GPALPP1: variants seen among roughly 807,000 people sequenced by gnomAD.
GPALPP1 encodes GPALPP motifs-containing protein 1.
A neutral mutation model predicts 38.9 loss-of-function variants in GPALPP1; 30 were observed. That is an observed-to-expected ratio of 0.77 (90% CI 0.58 to 1.05). The LOEUF (loss-of-function observed/expected upper bound fraction) is 1.05, where lower values mean the gene tolerates loss of function less well. GPALPP1 is among the 50% of genes least tolerant of loss of function. GPALPP1 has a pLI of 0.00. For synonymous variants in GPALPP1, 120 were observed against 139.2 expected (o/e 0.86, Z 0.97); for missense variants, 384 against 408.8 (o/e 0.94, Z 0.52).
downstream of GPALPP1, chr13:45,031,326 TAA>T (rs1876185129): frequency 6.6e-6 from 1 of 152,198 alleles, no homozygotes; most frequent in Admixed American, 6.5e-5. Context: ...TGCATTAATT[TAA>T]TTTTGTTATA....
At chr13:45,002,918 C>G (rs1292914515) in intron 1 of GPALPP1, among the ~76,000 whole-genome samples, 1 of 152,140 alleles carries the variant, frequency 6.6e-6, no homozygotes, top group Non-Finnish European at 1.5e-5. Flanking sequence ...AGATTTTTGC[C>G]TTACCACTGT....
At chr13:45,027,764 C>G (rs1292334805) in intron 7 of GPALPP1, 21 bp from the exon 8 acceptor site, 1 of 1,099,574 alleles carries the variant, frequency 9.1e-7, no homozygotes, top group African/African-American at 1.6e-5. Flanking sequence ...GTTTTTATTT[C>G]TGCTCTCCTG....
intron 4 of GPALPP1, among the ~76,000 whole-genome samples, chr13:45,011,821 G>A (rs1216353409): frequency 1.3e-5 from 2 of 152,110 alleles, no homozygotes; most frequent in Admixed American, 6.6e-5. Flanking sequence ...GGCTAAGTAC[G>A]AGGACTCCTT....
chr13:45,011,696 G>T (rs1874491783), intron 4 of GPALPP1, among the ~76,000 whole-genome samples: 1 of 152,094 alleles, frequency 6.6e-6, no homozygotes, highest in Admixed American at 6.5e-5. Context: ...GATGAGATTT[G>T]GGTGGGGACA....
rs1002979833 is a variant in GPALPP1, at chr13:45,028,308, T to A, written c.*305T>A. On this transcript the variant is annotated 3_prime_UTR_variant, in exon 8 of 8. Transcript: ENST00000379151. The stretch of plus-strand genomic sequence containing the variant: ...TTGATACTTGAGTAAATATGCATGC[T>A]TTATTAAAGATGAAGAAAGGCTTGC... 1 of 165,378 alleles carries A rather than the reference T, an allele frequency of 6.0e-6. No homozygotes were observed. The highest frequency in any genetic ancestry group is 1.7e-4 in the East Asian group (1 of 5,902). The allele number at this position is 165,378 out of a possible 1,614,324, so 10.2% of individuals were successfully genotyped here.
In GPALPP1 at chr13:45,015,412, G is replaced by T. The variant is rs200522188; in HGVS notation, c.541-20G>T. ...ACACGATATGTACTTTCTATGCTGT[G>T]TTTTTTTTTTCTCTTAAAGGATTCA... On this transcript the variant is annotated intron_variant, in intron 5 of 7. Coordinates refer to ENST00000379151, the MANE Select transcript of GPALPP1 (RefSeq NM_018559.5). The T allele has an allele frequency of 1.1e-4, 143 of 1,317,536 alleles. No homozygotes were observed. Among genetic ancestry groups the T allele is most frequent in the Non-Finnish European group, 1.3e-4 (131 of 977,940 alleles). 81.6% of individuals were successfully genotyped at this position (1,317,536 alleles called of 1,614,324 possible).
At chr13:45,003,301 C>A (rs1873822661) in intron 1 of GPALPP1, among the ~76,000 whole-genome samples, 1 of 152,130 alleles carries the variant, frequency 6.6e-6, no homozygotes. Context: ...CAATTCATAA[C>A]ACCTAAGAAC....
intron 1 of GPALPP1, among the ~76,000 whole-genome samples, chr13:45,003,247 ATTG>A (rs1873819696): frequency 6.6e-6 from 1 of 152,226 alleles, no homozygotes. Flanking sequence ...CCCTTATAGG[ATTG>A]TTATCAGAAT....
At chr13:45,007,949 A>G (rs577685735) in intron 3 of GPALPP1, among the ~76,000 whole-genome samples, 1 of 152,292 alleles carries the variant, frequency 6.6e-6, no homozygotes, top group South Asian at 2.1e-4. Flanking sequence ...CCCAGTGTTA[A>G]GGCAAGTCTC....
At chr13:45,006,916 T>G (rs1165966593) in intron 3 of GPALPP1, among the ~76,000 whole-genome samples, 1 of 152,022 alleles carries the variant, frequency 6.6e-6, no homozygotes, top group Non-Finnish European at 1.5e-5. Flanking sequence ...TTGTAAAATT[T>G]TTAAATGCCA....
intron 1 of GPALPP1, among the ~76,000 whole-genome samples, chr13:44,994,021 C>T (rs1415120449): frequency 6.7e-6 from 1 of 148,570 alleles, no homozygotes; most frequent in African/African-American, 2.5e-5. Context: ...CATTCTTGAA[C>T]CCATGAGTTC....
At position 45,006,245 on chromosome 13, in the gene GPALPP1, G is replaced by A; in HGVS notation, c.265G>A (p.Gly89Arg). The stretch of plus-strand genomic sequence containing the variant: ...GGATGATGACGATGATGATGATGAT[G>A]GGTTTTTTGGACCAGCCCTTCCTCC... The part of the protein sequence containing the change: ...NQDDDDDDDD[G>R]FFGPALPPGF... Residue 89 changes from glycine to arginine, a missense_variant, in exon 3 of 8, where the codon GGG becomes AGG. Gly to Arg is a moderately radical substitution (Grantham distance 125, BLOSUM62 -2). Transcript: ENST00000379151. 6.2e-7 allele frequency: 1 copy of A among 1,610,686 alleles called. No individual in the cohort carries two copies. The highest frequency in any genetic ancestry group is 1.3e-5 in the African/African-American group (1 of 74,948).
chr13:45,032,118 G>A (rs1477292236), downstream of GPALPP1: 1 of 152,088 alleles, frequency 6.6e-6, no homozygotes, highest in Non-Finnish European at 1.5e-5. Context: ...GTAAGTAAAC[G>A]GTGGGGTTAT....
At chr13:45,027,056 ACT>A (rs1287195127) in intron 7 of GPALPP1, among the ~76,000 whole-genome samples, 1 of 151,900 alleles carries the variant, frequency 6.6e-6, no homozygotes, top group Admixed American at 6.6e-5. Context: ...TACTCCATAG[ACT>A]CTACTCTCTG....
chr13:44,999,737 G>A (rs972625743), intron 1 of GPALPP1, among the ~76,000 whole-genome samples: 4 of 152,026 alleles, frequency 2.6e-5, no homozygotes, highest in South Asian at 2.1e-4. Context: ...GTGCCACCAC[G>A]CCCAGCTAAT....
intron 1 of GPALPP1, among the ~76,000 whole-genome samples, chr13:44,998,450 GCTTC>G (rs1173084508): frequency 6.6e-6 from 1 of 151,834 alleles, no homozygotes; most frequent in Non-Finnish European, 1.5e-5. Flanking sequence ...CCAATTCAAG[GCTTC>G]CTTTTCAGTC....
rs141517646 is a variant in GPALPP1 at position 45,016,274 on chromosome 13, T to C, written c.705+678T>C. Among the ~76,000 whole-genome samples the C allele has an allele frequency of 7.0e-3, 1,067 of 152,134 alleles. 10 individuals are homozygous for C. Among genetic ancestry groups the C allele is most frequent in the African/African-American group, 0.024 (988 of 41,492 alleles). On this transcript the variant is annotated intron_variant, in intron 6 of 7. Coordinates refer to ENST00000379151, the MANE Select transcript of GPALPP1 (RefSeq NM_018559.5). ...TTCGAGACCAGCCTGGCCAACATGGTGAAACCCTGTCTCTACTAAAAATAA... is the reference window on the plus strand; with the variant it reads ...TTCGAGACCAGCCTGGCCAACATGGCGAAACCCTGTCTCTACTAAAAATAA...
intron 2 of GPALPP1, among the ~76,000 whole-genome samples, chr13:45,005,450 A>G (rs748589543): frequency 3.5e-4 from 53 of 152,148 alleles, no homozygotes; most frequent in Non-Finnish European, 4.7e-4. Context: ...TATGTAAATG[A>G]GAAGTCAAAT....
downstream of GPALPP1, chr13:45,030,523 G>A (rs556863617): frequency 3.9e-5 from 6 of 152,448 alleles, no homozygotes; most frequent in Non-Finnish European, 7.3e-5. Flanking sequence ...GGGACTACAG[G>A]CGTGCACCAC....
Sources: gnomAD v4.1 joint callset for allele counts (sites outside exome capture counted in the v4.1 genomes callset) on GRCh38, gnomAD v4.1.1 for gene constraint, MANE v1.5 for transcripts, NCBI Gene and HGNC (gene_info 2026-07-23, HGNC 2026-07-21) for gene names.